The following MED27 variants were observed in gnomAD, a reference collection of about 807,000 sequenced individuals.
The protein encoded by MED27 is mediator of RNA polymerase II transcription subunit 27.
In MED27, 30 loss-of-function variants were observed where a neutral mutation model predicts 38.2. That is an observed-to-expected ratio of 0.79 (90% CI 0.59 to 1.07). MED27 has a LOEUF of 1.07. Ranked by LOEUF, MED27 falls within the 50% of genes least tolerant of loss-of-function variation. The pLI, the probability that MED27 is intolerant of heterozygous loss-of-function variation, is 0.00. For synonymous variants in MED27, 122 were observed against 153.5 expected, an observed-to-expected ratio of 0.79 and a Z score of 1.52; for missense variants, 289 against 397.5, an observed-to-expected ratio of 0.73 and a Z score of 2.32.
At chr9:131,885,804 G>A (rs994624026) in intron 5 of MED27, among the ~76,000 whole-genome samples, 2 of 152,170 alleles carry the variant, frequency 1.3e-5, no homozygotes, top group African/African-American at 4.8e-5. Flanking sequence ...TGACAGAGAC[G>A]GCTCAAGGGC....
intron 2 of MED27, among the ~76,000 whole-genome samples, chr9:132,069,856 G>A (rs886646209): frequency 2.0e-5 from 3 of 152,192 alleles, no homozygotes; most frequent in East Asian, 1.9e-4. Context: ...GTGGAAGGCC[G>A]AGACTGAACA....
intron 5 of MED27, among the ~76,000 whole-genome samples, chr9:131,888,142 C>T (rs1839171506): frequency 6.6e-6 from 1 of 152,226 alleles, no homozygotes; most frequent in Non-Finnish European, 1.5e-5. Context: ...CCACCACCAC[C>T]TCCATCACAA....
chr9:132,048,854 T>A (rs1833402775), intron 2 of MED27, among the ~76,000 whole-genome samples: 1 of 152,206 alleles, frequency 6.6e-6, no homozygotes, highest in Admixed American at 6.5e-5. Context: ...CACAGACAAC[T>A]GGCTGTGACC....
chr9:131,911,197 A>G (rs1160217287), intron 4 of MED27, among the ~76,000 whole-genome samples: 1 of 152,238 alleles, frequency 6.6e-6, no homozygotes, highest in Non-Finnish European at 1.5e-5. Flanking sequence ...AAGGATGAGC[A>G]AGTGATCCTT....
chr9:132,023,517 T>C (rs1045542274), intron 2 of MED27, among the ~76,000 whole-genome samples: 26 of 152,212 alleles, frequency 1.7e-4, no homozygotes, highest in Non-Finnish European at 2.9e-5. Context: ...TCCAGTGTCA[T>C]GAAATGCCTG....
intron 4 of MED27, among the ~76,000 whole-genome samples, chr9:131,902,640 A>G (rs1226726857): frequency 6.6e-6 from 1 of 152,196 alleles, no homozygotes; most frequent in Non-Finnish European, 1.5e-5. Context: ...GCAAAACCAA[A>G]CCAGTTGTGC....
chr9:131,916,093 A>T (rs895420754), intron 4 of MED27, among the ~76,000 whole-genome samples: 3 of 152,258 alleles, frequency 2.0e-5, no homozygotes, highest in Admixed American at 2.0e-4. Context: ...GCCAACAGAA[A>T]GGAATTGTGC....
intron 2 of MED27, among the ~76,000 whole-genome samples, chr9:132,050,976 T>A (rs1283671152): frequency 6.6e-6 from 1 of 152,180 alleles, no homozygotes; most frequent in Admixed American, 6.5e-5. Flanking sequence ...ATGGCCTTAT[T>A]CATGTTTCTC....
chr9:132,061,178 C>T (rs1011049906), intron 2 of MED27, among the ~76,000 whole-genome samples: 6 of 152,280 alleles, frequency 3.9e-5, no homozygotes, highest in Admixed American at 3.3e-4. Context: ...TGGATGGATG[C>T]TGAACCTTAA....
At chr9:132,052,754 T>C (rs1361354837) in intron 2 of MED27, among the ~76,000 whole-genome samples, 1 of 142,550 alleles carries the variant, frequency 7.0e-6, no homozygotes, top group African/African-American at 2.6e-5. Context: ...ACTTAACAAG[T>C]GAGAGCATGC....
At chr9:132,016,835 A>T (rs370151683) in intron 2 of MED27, among the ~76,000 whole-genome samples, 85 of 152,264 alleles carry the variant, frequency 5.6e-4, no homozygotes, top group African/African-American at 2.0e-3. Context: ...CATTTTGATC[A>T]TTTGCTCAAA....
At chr9:131,971,595 C>T (rs906778346) in intron 3 of MED27, among the ~76,000 whole-genome samples, 8 of 152,240 alleles carry the variant, frequency 5.3e-5, no homozygotes, top group Middle Eastern at 3.4e-3. Context: ...AGACCTTGGC[C>T]GGACCCCAAG....
chr9:132,079,620 G>A (rs1309622952), intron 1 of MED27, 22 bp downstream of exon 1: 1 of 1,610,302 alleles, frequency 6.2e-7, no homozygotes, highest in Non-Finnish European at 8.5e-7. Flanking sequence ...CCCCGACCCC[G>A]GCCCCTTCAG....
Position 131,912,133 on chromosome 9 carries a change from A to G in MED27, c.574-18141T>C, listed in dbSNP as rs368128662. ...ATTAGATTCTGGAGTTCCTAATTTA[A>G]AAAGAAGTATTTGGGAAGCTCTCCT... On this transcript the variant is annotated intron_variant, in intron 4 of 7. Transcript: ENST00000292035. 1.1e-3 allele frequency among the ~76,000 whole-genome samples: 169 copies of G among 152,300 alleles called. 1 individual carries two copies. The highest frequency in any genetic ancestry group is 3.9e-3 in the African/African-American group (163 of 41,560).
rs779642579 is a variant in MED27 at position 131,860,533 on chromosome 9, G to T, written c.*5C>A. ...TGGGGTCTGAGGCTGGGGCCAGCGTGGGGGCTACTGCCGGCAGGTGTCATG... is the reference window on the plus strand; with the variant it reads ...TGGGGTCTGAGGCTGGGGCCAGCGTTGGGGCTACTGCCGGCAGGTGTCATG... On this transcript the variant is annotated 3_prime_UTR_variant, in exon 8 of 8. Transcript: ENST00000292035. This position sits in a 1 kb window ranked among gnomAD's most constrained non-coding sequence, Gnocchi z 5.8. The T allele has an allele frequency of 2.0e-6, 3 of 1,519,288 alleles. No homozygotes were observed. The highest frequency in any genetic ancestry group is 2.6e-6 in the Non-Finnish European group (3 of 1,133,378). 94.1% of individuals were successfully genotyped at this position (1,519,288 alleles called of 1,614,324 possible). A position where few individuals can be genotyped will look rare whatever the true frequency, so the allele number is the denominator to read the frequency against.
intron 4 of MED27, among the ~76,000 whole-genome samples, chr9:131,923,432 AG>A (rs912814842): frequency 1.1e-4 from 16 of 152,216 alleles, no homozygotes; most frequent in African/African-American, 3.9e-4. Context: ...ATTAGTTCAC[AG>A]TTATTATAAT....
At position 131,860,793 on chromosome 9, in the gene MED27, T is replaced by C; in HGVS notation, c.802-121A>G. The C allele has an allele frequency of 8.7e-7, 1 of 1,145,800 alleles. No homozygotes were observed. The allele number at this position is 1,145,800 out of a possible 1,614,324, so 71.0% of individuals were successfully genotyped here. A position where few individuals can be genotyped will look rare whatever the true frequency, so the allele number is the denominator to read the frequency against. On this transcript the variant is annotated intron_variant, in intron 7 of 7. Coordinates refer to ENST00000292035, the MANE Select transcript of MED27 (RefSeq NM_004269.4). This position sits in a 1 kb window ranked among gnomAD's most constrained non-coding sequence, Gnocchi z 5.8. ...TTGGCTTTGGCCCCAGAAGATGCCC[T>C]GTGATTTCACAGGGAGCAGCAGGCG... is the stretch of plus-strand genomic sequence containing the variant.
At chr9:131,880,070 G>A (rs1445339443) in intron 6 of MED27, among the ~76,000 whole-genome samples, 1 of 152,258 alleles carries the variant, frequency 6.6e-6, no homozygotes, top group African/African-American at 2.4e-5. Context: ...AGGTCTACCT[G>A]CTGGCCACTG....
At chr9:131,962,120 G>C (rs895933364) in intron 3 of MED27, among the ~76,000 whole-genome samples, 5 of 152,160 alleles carry the variant, frequency 3.3e-5, no homozygotes, top group African/African-American at 1.2e-4. Flanking sequence ...CCATACACTA[G>C]TCTGAGATAG....
Sources: gnomAD v4.1 joint callset for allele counts (sites outside exome capture counted in the v4.1 genomes callset) on GRCh38, gnomAD v4.1.1 for gene constraint, Gnocchi (gnomAD v3.1) non-coding constraint, MANE v1.5 for transcripts, NCBI Gene and HGNC (gene_info 2026-07-23, HGNC 2026-07-21) for gene names.